The following MACROH2A2 variants were observed in gnomAD, a reference collection of about 807,000 sequenced individuals.
MACROH2A2 encodes core histone macro-H2A.2.
In MACROH2A2, 6 loss-of-function variants were observed where a neutral mutation model predicts 37.6. That is an observed-to-expected ratio of 0.16 (90% CI 0.09 to 0.32). The LOEUF (loss-of-function observed/expected upper bound fraction) is 0.32, where lower values mean the gene tolerates loss of function less well. Ranked by LOEUF, MACROH2A2 falls within the 10% of genes least tolerant of loss-of-function variation. The pLI, the probability that MACROH2A2 is intolerant of heterozygous loss-of-function variation, is 1.00. For synonymous variants in MACROH2A2, 192 were observed against 202.7 expected (o/e 0.95, Z 0.45); for missense variants, 290 against 485.9 (o/e 0.60, Z 3.79).
intron 7 of MACROH2A2, among the ~76,000 whole-genome samples, chr10:70,108,463 T>A (rs189969841): frequency 9.6e-4 from 146 of 152,294 alleles, no homozygotes; most frequent in Middle Eastern, 3.4e-3. Context: ...ATTCCTTGGC[T>A]CCTGGCTGCA....
intron 2 of MACROH2A2, among the ~76,000 whole-genome samples, chr10:70,082,405 T>G (rs1357898893): frequency 1.6e-5 from 2 of 125,024 alleles, no homozygotes; most frequent in Admixed American, 8.8e-5. Flanking sequence ...GCAACAAGAG[T>G]GAAACTGTGT....
rs200633357 is a variant in MACROH2A2, at chr10:70,056,770, A to T, written c.-60+3770A>T. 9.9e-5 allele frequency among the ~76,000 whole-genome samples: 15 copies of T among 152,158 alleles called. No homozygotes were observed. In the East Asian group the frequency reaches 2.9e-3, roughly 29 times the overall value. ...TATGAGATTCCCTTGCAAGGCTGAG[A>T]GTCCTGGCCTGGCCTACCCTGCCAA... On this transcript the variant is annotated intron_variant, in intron 1 of 8. Coordinates refer to ENST00000373255, the MANE Select transcript of MACROH2A2 (RefSeq NM_018649.3).
chr10:70,087,253 A>T (rs1470552530), intron 2 of MACROH2A2, among the ~76,000 whole-genome samples: 27 of 144,648 alleles, frequency 1.9e-4, no homozygotes, highest in African/African-American at 6.1e-4. Context: ...TTTTTTTTTT[A>T]AACAGAATCT....
intron 1 of MACROH2A2, among the ~76,000 whole-genome samples, chr10:70,071,846 A>G (rs1013844030): frequency 3.3e-5 from 5 of 152,254 alleles, no homozygotes; most frequent in Admixed American, 3.3e-4. Context: ...CTTGCCGTGA[A>G]TAGAGCTTGC....
In MACROH2A2 at chr10:70,095,682, A is replaced by G; in HGVS notation, c.617A>G (p.His206Arg). 2 of 1,587,696 alleles carry G rather than the reference A, an allele frequency of 1.3e-6. No individual in the cohort carries two copies. Among genetic ancestry groups the G allele is most frequent in the East Asian group, 2.2e-5 (1 of 44,770 alleles). Residue 206 changes from histidine (H) to arginine (R), a missense_variant, in exon 6 of 9, where the codon CAT becomes CGT. Around this residue, in one of 3 missense-constraint regions of MACROH2A2, gnomAD observed 130 missense variants for 257.1 expected, o/e 0.51. Transcript: ENST00000373255. ...TCCTTAACCCAGAGTGACATCAGCC[A>G]TATTGGCTCCATGAGAGTGGAGGGC... ...KLSLTQSDIS[H>R]IGSMRVEGIV... is the part of the protein sequence containing the mutation.
intron 7 of MACROH2A2, among the ~76,000 whole-genome samples, chr10:70,103,119 C>A (rs2072316427): frequency 6.6e-6 from 1 of 152,180 alleles, no homozygotes; most frequent in South Asian, 2.1e-4. Flanking sequence ...AAAAATCTGT[C>A]TTTCTAGGGT....
chr10:70,103,182 C>T (rs1020634039), intron 7 of MACROH2A2, among the ~76,000 whole-genome samples: 2 of 152,116 alleles, frequency 1.3e-5, no homozygotes, highest in African/African-American at 4.8e-5. Flanking sequence ...CATTGCCCAC[C>T]GACTCAATGT....
chr10:70,079,561 G>GCACACA (rs1437308027), intron 2 of MACROH2A2, among the ~76,000 whole-genome samples: 41 of 83,718 alleles, frequency 4.9e-4, no homozygotes, highest in African/African-American at 1.7e-3. Context: ...TCGCGCGCGC[G>GCACACA]CGCGCACACA....
At chr10:70,072,407 C>T (rs1490900158) in intron 1 of MACROH2A2, among the ~76,000 whole-genome samples, 3 of 152,226 alleles carry the variant, frequency 2.0e-5, no homozygotes, top group East Asian at 1.9e-4. Flanking sequence ...ATAACACGCA[C>T]GGAGCTGTCA....
chr10:70,091,695 C>T, intron 3 of MACROH2A2, 62 bp from the exon 4 acceptor site: 1 of 858,830 alleles, frequency 1.2e-6, no homozygotes, highest in Non-Finnish European at 1.8e-6. Flanking sequence ...AAAAAAAGAA[C>T]TGTATGAAAT....
chr10:70,056,380 T>C (rs1448443005), intron 1 of MACROH2A2, among the ~76,000 whole-genome samples: 1 of 152,198 alleles, frequency 6.6e-6, no homozygotes, highest in East Asian at 1.9e-4. Context: ...CCCTAGTAGC[T>C]GGGACTACAA....
At chr10:70,110,960 G>A (rs1479382666) in intron 8 of MACROH2A2, among the ~76,000 whole-genome samples, 1 of 152,028 alleles carries the variant, frequency 6.6e-6, no homozygotes, top group African/African-American at 2.4e-5. Flanking sequence ...GGCCAGCCCT[G>A]TGACCTTGAC....
At chr10:70,095,293 G>A (rs1435986887) in intron 5 of MACROH2A2, among the ~76,000 whole-genome samples, 4 of 151,850 alleles carry the variant, frequency 2.6e-5, no homozygotes, top group Non-Finnish European at 5.9e-5. Context: ...GCGTGAACCT[G>A]GGAGGCAGAG....
rs1224487097 is a variant in MACROH2A2 at position 70,111,549 on chromosome 10, G to T, written c.985G>T (p.Val329Leu). The T allele has an allele frequency of 6.2e-7, 1 of 1,613,486 alleles. No homozygotes were observed. The highest frequency in any genetic ancestry group is 8.5e-7 in the Non-Finnish European group (1 of 1,179,840). Residue 329 changes from valine to leucine, a missense_variant, in exon 9 of 9, where the codon GTG becomes TTG. Around this residue, in one of 3 missense-constraint regions of MACROH2A2, gnomAD observed 130 missense variants for 257.1 expected, o/e 0.51. Transcript: ENST00000373255. Reference protein sequence around the residue: ...NCFPKQTAAQVTLKAISAHFD... With the variant: ...NCFPKQTAAQLTLKAISAHFD... Reference sequence around the variant, plus strand: ...CTTTCCCAAACAGACTGCGGCCCAGGTGACCCTCAAAGCCATCTCAGCCCA... The same window carrying T: ...CTTTCCCAAACAGACTGCGGCCCAGTTGACCCTCAAAGCCATCTCAGCCCA...
chr10:70,100,012 A>T (rs1442498219), intron 6 of MACROH2A2, among the ~76,000 whole-genome samples, 196 bp from the exon 7 acceptor site: 1 of 152,226 alleles, frequency 6.6e-6, no homozygotes, highest in Non-Finnish European at 1.5e-5. Context: ...AAAGCTTGCC[A>T]ATCTAAGTCT....
intron 6 of MACROH2A2, among the ~76,000 whole-genome samples, chr10:70,098,001 G>A (rs1285939722): frequency 6.6e-6 from 1 of 152,120 alleles, no homozygotes; most frequent in Non-Finnish European, 1.5e-5. Flanking sequence ...CAGCACTTTG[G>A]GAGGCTGAGG....
chr10:70,068,371 CAACTT>C (rs1296443530), intron 1 of MACROH2A2, among the ~76,000 whole-genome samples: 1 of 152,154 alleles, frequency 6.6e-6, no homozygotes, highest in African/African-American at 2.4e-5. Context: ...GAGGCCCAAA[CAACTT>C]AATAAGTATT....
intron 2 of MACROH2A2, among the ~76,000 whole-genome samples, chr10:70,084,127 T>A (rs2072196985): frequency 6.6e-6 from 1 of 152,186 alleles, no homozygotes; most frequent in Admixed American, 6.5e-5. Flanking sequence ...ACATAGACAC[T>A]TGTCATTTAC....
At chr10:70,065,765 G>C (rs900668140) in intron 1 of MACROH2A2, among the ~76,000 whole-genome samples, 5 of 152,076 alleles carry the variant, frequency 3.3e-5, no homozygotes, top group African/African-American at 1.2e-4. Context: ...AAGAAAGGGG[G>C]TATTGGGAGA....
Sources: gnomAD v4.1 joint callset for allele counts (sites outside exome capture counted in the v4.1 genomes callset) on GRCh38, gnomAD v4.1.1 for gene constraint, gnomAD v4.1.1 regional missense constraint, MANE v1.5 for transcripts, NCBI Gene and HGNC (gene_info 2026-07-23, HGNC 2026-07-21) for gene names.